ZBED6: variants seen among roughly 807,000 people sequenced by gnomAD.
ZBED6 encodes zinc finger BED-type containing 6.
ZBED6 carries 40 observed loss-of-function variants against 58.4 expected under a neutral mutation model. That is an observed-to-expected ratio of 0.68 (90% CI 0.53 to 0.89). The LOEUF (loss-of-function observed/expected upper bound fraction) is 0.89. Ranked by LOEUF, ZBED6 falls within the 40% of genes least tolerant of loss-of-function variation. The probability of loss-of-function intolerance (pLI) is 0.00; values close to 1 mark genes in which losing one functional copy is unlikely to be tolerated. For synonymous variants in ZBED6, 439 were observed against 350.6 expected (o/e 1.25, Z -2.82); for missense variants, 1,057 against 1,003.9 (o/e 1.05, Z -0.71).
exon 5 of ZBED6, chr1:203,829,608 T>C: frequency 6.2e-7 from 1 of 1,614,186 alleles, no homozygotes; most frequent in Non-Finnish European, 8.5e-7. Context: ...GCCCCACGCA[T>C]CCACCAGTTG....
At position 203,797,601 on chromosome 1, in the gene ZBED6, AT is replaced by A; in HGVS notation, c.81del (p.Leu28TrpfsTer16). ...ATGCAACACTTTTAGTGATTCTGGG[AT>A]TCTGGGATGTGTTCCTATTAATTCT... On this transcript the variant is annotated frameshift_variant, in exon 1 of 17. Transcript: ENST00000550078. LOFTEE classifies it high-confidence loss of function. 1 of 1,535,390 alleles carries A rather than the reference AT, an allele frequency of 6.5e-7. No homozygotes were observed. Among genetic ancestry groups the A allele is most frequent in the Non-Finnish European group, 8.7e-7 (1 of 1,146,758 alleles).
exon 1 of ZBED6, chr1:203,800,458 C>G: frequency 6.8e-7 from 1 of 1,480,700 alleles, no homozygotes; most frequent in East Asian, 2.5e-5. Flanking sequence ...GAAATACTGC[C>G]TTAATTTCTT....
intron 11 of ZBED6, among the ~76,000 whole-genome samples, chr1:203,841,800 G>A (rs1347630749): frequency 6.0e-5 from 9 of 149,426 alleles, no homozygotes; most frequent in South Asian, 2.1e-4. Context: ...CCTCCCTCCC[G>A]GACGGGGCGG....
chr1:203,822,046 C>G (rs12123537), intron 3 of ZBED6, among the ~76,000 whole-genome samples: 2 of 152,044 alleles, frequency 1.3e-5, no homozygotes, highest in Non-Finnish European at 2.9e-5. Flanking sequence ...TGTGAGCCAC[C>G]GTGCCTGGCC....
intron 11 of ZBED6, among the ~76,000 whole-genome samples, chr1:203,840,585 C>G (rs1240861394): frequency 6.6e-6 from 1 of 150,434 alleles, no homozygotes; most frequent in Non-Finnish European, 1.5e-5. Context: ...GATTGTTCAT[C>G]ATAGCATTAA....
At chr1:203,809,351 A>G (rs1332194067) in intron 1 of ZBED6, among the ~76,000 whole-genome samples, 2 of 150,698 alleles carry the variant, frequency 1.3e-5, no homozygotes, top group African/African-American at 4.9e-5. Context: ...AATTTTTTAT[A>G]TTTTTAGTAG....
chr1:203,846,071 GT>G (rs1437599150), intron 11 of ZBED6, among the ~76,000 whole-genome samples: 1 of 128,960 alleles, frequency 7.8e-6, no homozygotes, highest in African/African-American at 2.9e-5. Flanking sequence ...GAAGCCAGGA[GT>G]TTGGAGACCA....
intron 2 of ZBED6, 88 bp from the exon 3 acceptor site, chr1:203,818,482 T>A: frequency 1.9e-6 from 3 of 1,564,814 alleles, no homozygotes; most frequent in Non-Finnish European, 2.6e-6. Context: ...CATTTGTGCT[T>A]GTCTAAATTC....
rs896189686 is a variant in ZBED6, at chr1:203,845,591, G to A, written c.*3742-1593G>A. 4.6e-5 allele frequency among the ~76,000 whole-genome samples: 7 copies of A among 152,212 alleles called. No individual in the cohort carries two copies. The East Asian group carries it at 5.8e-4, about 13-fold the overall frequency. ...TCAGTTGAAACTAACCAGGCCTGGC[G>A]TGGTGGCTCACGCCTGTAATCCCAG... is the stretch of plus-strand genomic sequence containing the variant. On this transcript the variant is annotated intron_variant, in intron 11 of 16. Coordinates refer to ENST00000550078, the Ensembl canonical transcript of ZBED6.
intron 10 of ZBED6, among the ~76,000 whole-genome samples, chr1:203,840,003 C>T (rs895785517): frequency 6.6e-6 from 1 of 151,990 alleles, no homozygotes; most frequent in African/African-American, 2.4e-5. Context: ...GGGGTTTCAC[C>T]ATGTTGGCCA....
chr1:203,837,562 C>G (rs1684772598), intron 9 of ZBED6, among the ~76,000 whole-genome samples: 1 of 151,686 alleles, frequency 6.6e-6, no homozygotes, highest in Non-Finnish European at 1.5e-5. Flanking sequence ...AGCCTTTCTA[C>G]CTCCTGGGCT....
chr1:203,801,006 G>T (rs1364269660), exon 1 of ZBED6: 1 of 152,172 alleles, frequency 6.6e-6, no homozygotes, highest in Non-Finnish European at 1.5e-5. Flanking sequence ...AAATTGTTGA[G>T]TGTGATAGTG....
intron 3 of ZBED6, among the ~76,000 whole-genome samples, chr1:203,821,899 A>T (rs1173415323): frequency 6.6e-6 from 1 of 151,972 alleles, no homozygotes; most frequent in African/African-American, 2.4e-5. Flanking sequence ...CTGGGATTAC[A>T]GGTGCCCGCC....
At chr1:203,852,705 T>C (rs1472255592) in exon 17 of ZBED6, 2 of 384,800 alleles carry the variant, frequency 5.2e-6, no homozygotes, top group Non-Finnish European at 9.5e-6. Context: ...CAAGCGAACT[T>C]AGTGACTCCT....
chr1:203,811,276 T>A (rs1424342588), intron 1 of ZBED6, among the ~76,000 whole-genome samples: 1 of 152,132 alleles, frequency 6.6e-6, no homozygotes, highest in Non-Finnish European at 1.5e-5. Flanking sequence ...CCATTGCACT[T>A]CAGCCTGGGC....
chr1:203,850,140 C>A, intron 14 of ZBED6, 114 bp downstream of exon 14: 3 of 868,370 alleles, frequency 3.5e-6, no homozygotes, highest in Non-Finnish European at 5.4e-6. Context: ...TGCCTTCTAT[C>A]CACAGGTAGA....
intron 3 of ZBED6, among the ~76,000 whole-genome samples, chr1:203,823,013 T>G (rs1212261546): frequency 6.6e-6 from 1 of 152,196 alleles, no homozygotes; most frequent in Non-Finnish European, 1.5e-5. Context: ...ATCTTGCAAA[T>G]AGCAGCAGAT....
chr1:203,803,616 C>T (rs1022006364), intron 1 of ZBED6, among the ~76,000 whole-genome samples: 12 of 151,948 alleles, frequency 7.9e-5, no homozygotes, highest in African/African-American at 2.2e-4. Flanking sequence ...TATTTTGTTT[C>T]GTTTTGAAAC....
At chr1:203,844,437 G>A (rs1687331874) in intron 11 of ZBED6, among the ~76,000 whole-genome samples, 1 of 152,212 alleles carries the variant, frequency 6.6e-6, no homozygotes, top group Non-Finnish European at 1.5e-5. Flanking sequence ...CCAAAGTGCT[G>A]GGATTACAGG....
Sources: gnomAD v4.1 joint callset for allele counts (sites outside exome capture counted in the v4.1 genomes callset) on GRCh38, gnomAD v4.1.1 for gene constraint, MANE v1.5 for transcripts, NCBI Gene and HGNC (gene_info 2026-07-23, HGNC 2026-07-21) for gene names.